PPFIBP1: variants seen among roughly 807,000 people sequenced by gnomAD.
PPFIBP1 encodes the protein liprin-beta-1.
A neutral mutation model predicts 137.8 loss-of-function variants in PPFIBP1; 112 were observed. That is an observed-to-expected ratio of 0.81 (90% CI 0.70 to 0.95). PPFIBP1 has a LOEUF of 0.95. Among genes scored for constraint, PPFIBP1 ranks in the 40% least tolerant of loss-of-function variants. The probability of loss-of-function intolerance (pLI) is 0.00; values close to 1 mark genes in which losing one functional copy is unlikely to be tolerated. For synonymous variants in PPFIBP1, 378 were observed against 417.3 expected (o/e 0.91, Z 1.15); for missense variants, 1,083 against 1,196.6 (o/e 0.91, Z 1.40).
chr12:27,621,615 A>G (rs2056350015), intron 2 of PPFIBP1, among the ~76,000 whole-genome samples: 1 of 152,192 alleles, frequency 6.6e-6, no homozygotes, highest in Non-Finnish European at 1.5e-5. Flanking sequence ...CACGTATGCT[A>G]TAAAGGAACA....
At chr12:27,592,568 G>A in intron 2 of PPFIBP1, 8 of 1,429,834 alleles carry the variant, frequency 5.6e-6, no homozygotes, top group Non-Finnish European at 7.9e-6. Flanking sequence ...GCTTTCACAG[G>A]ATGATACCTC....
intron 2 of PPFIBP1, among the ~76,000 whole-genome samples, chr12:27,595,244 G>T (rs554603338): frequency 1.3e-5 from 2 of 152,216 alleles, no homozygotes; most frequent in Non-Finnish European, 2.9e-5. Flanking sequence ...ACACGCGCGC[G>T]CGCACAAACA....
At chr12:27,612,258 T>C (rs1007414578) in intron 2 of PPFIBP1, among the ~76,000 whole-genome samples, 1 of 151,664 alleles carries the variant, frequency 6.6e-6, no homozygotes, top group Non-Finnish European at 1.5e-5. Flanking sequence ...TCAAGGTATC[T>C]GCCAAGCCTC....
chr12:27,672,148 C>T (rs2060240195), intron 14 of PPFIBP1, among the ~76,000 whole-genome samples: 1 of 151,848 alleles, frequency 6.6e-6, no homozygotes, highest in African/African-American at 2.4e-5. Flanking sequence ...GGATTGTAAA[C>T]TAAATAGTCA....
chr12:27,614,152 A>G (rs2055482750), intron 2 of PPFIBP1, among the ~76,000 whole-genome samples: 1 of 152,082 alleles, frequency 6.6e-6, no homozygotes, highest in Admixed American at 6.5e-5. Flanking sequence ...CTGAGACGGG[A>G]GAATCACTGG....
intron 4 of PPFIBP1, among the ~76,000 whole-genome samples, chr12:27,643,057 G>A (rs2058228061): frequency 6.6e-6 from 1 of 151,758 alleles, no homozygotes; most frequent in Admixed American, 6.6e-5. Flanking sequence ...GGTTAGCTCA[G>A]TTGGTTAGAG....
Position 27,667,159 on chromosome 12 carries a change from TTCCTA to T in PPFIBP1, c.992-6_992-2del. On this transcript the variant is annotated splice_acceptor_variant and splice_polypyrimidine_tract_variant and intron_variant, in intron 12 of 29. Transcript: ENST00000228425. LOFTEE classifies it high-confidence loss of function. ...TGTTGTCTTCTCTTTGTTTTATCTT[TTCCTA>T]GGCAAAGATGGAGAATATGAAGAGC... 2 of 1,552,856 alleles carry T rather than the reference TTCCTA, an allele frequency of 1.3e-6. No individual in the cohort carries two copies. The highest frequency in any genetic ancestry group is 2.7e-5 in the African/African-American group (2 of 72,796).
At chr12:27,563,316 G>T (rs1051728167) in intron 1 of PPFIBP1, among the ~76,000 whole-genome samples, 1 of 117,490 alleles carries the variant, frequency 8.5e-6, no homozygotes, top group African/African-American at 3.5e-5. Context: ...AATTAGCTGG[G>T]TGTGGTGGCC....
chr12:27,577,541 AT>A (rs2050675523), intron 1 of PPFIBP1, among the ~76,000 whole-genome samples: 3 of 152,242 alleles, frequency 2.0e-5, no homozygotes, highest in African/African-American at 7.2e-5. Context: ...GTTCTTAAAT[AT>A]TCTTTTAGTA....
At position 27,558,262 on chromosome 12, in the gene PPFIBP1, T is replaced by TG. The variant is rs369035332; in HGVS notation, c.-123-19890_-123-19889insG. On this transcript the variant is annotated intron_variant, in intron 1 of 29. Coordinates refer to ENST00000228425, the MANE Select transcript of PPFIBP1 (RefSeq NM_003622.4). Reference sequence around the variant, plus strand: ...TTCCCTAAAGACCTTCTGGGTTTTTTTTTTGTTTTGTTTTGTTTTGTTTTG... The same window carrying TG: ...TTCCCTAAAGACCTTCTGGGTTTTTTGTTTTGTTTTGTTTTGTTTTGTTTTG... Among the ~76,000 whole-genome samples the TG allele has an allele frequency of 5.4e-3, 803 of 148,276 alleles. 3 individuals are homozygous for TG. Among genetic ancestry groups the TG allele is most frequent in the Middle Eastern group, 0.027 (8 of 294 alleles).
At chr12:27,544,910 T>C (rs1033556449) in intron 1 of PPFIBP1, among the ~76,000 whole-genome samples, 2 of 152,188 alleles carry the variant, frequency 1.3e-5, no homozygotes, top group Non-Finnish European at 2.9e-5. Flanking sequence ...TTATAAGTAA[T>C]TTTACTATAA....
At chr12:27,610,227 T>C (rs1013462235) in intron 2 of PPFIBP1, among the ~76,000 whole-genome samples, 3 of 152,222 alleles carry the variant, frequency 2.0e-5, no homozygotes, top group Non-Finnish European at 4.4e-5. Context: ...GGAACTCCCT[T>C]GTAGCCCAGT....
intron 1 of PPFIBP1, among the ~76,000 whole-genome samples, chr12:27,559,758 C>T (rs1485129830): frequency 6.6e-6 from 1 of 152,152 alleles, no homozygotes; most frequent in African/African-American, 2.4e-5. Context: ...AAGCTCCTCT[C>T]CTTCCAGACA....
chr12:27,670,005 C>G (rs2060084489), intron 13 of PPFIBP1, among the ~76,000 whole-genome samples: 1 of 152,164 alleles, frequency 6.6e-6, no homozygotes, highest in South Asian at 2.1e-4. Context: ...CTGTTGCTGA[C>G]TGGTTGGCGT....
intron 1 of PPFIBP1, among the ~76,000 whole-genome samples, chr12:27,576,185 T>C (rs1286710024): frequency 6.6e-6 from 1 of 152,214 alleles, no homozygotes; most frequent in African/African-American, 2.4e-5. Flanking sequence ...CATATTGTTT[T>C]GAATTGGATT....
chr12:27,664,913 C>T lies in PPFIBP1; in HGVS notation c.991+467C>T, dbSNP rs183608438. Among the ~76,000 whole-genome samples the T allele has an allele frequency of 1.6e-4, 25 of 152,182 alleles. No individual in the cohort carries two copies. In the East Asian group the frequency reaches 4.5e-3, roughly 27 times the overall value. On this transcript the variant is annotated intron_variant, in intron 12 of 29. Transcript: ENST00000228425. ...GTTTTAAAAGTCAGCAGTGGTCAGG[C>T]GTGGTGGCCTACGGCTGTAATCCCA...
chr12:27,680,670 A>G (rs1157205135), intron 21 of PPFIBP1, among the ~76,000 whole-genome samples: 1 of 152,242 alleles, frequency 6.6e-6, no homozygotes, highest in Non-Finnish European at 1.5e-5. Flanking sequence ...TATCAGGACT[A>G]TATAATATTT....
chr12:27,555,771 GC>G (rs2048657095), intron 1 of PPFIBP1, among the ~76,000 whole-genome samples: 1 of 152,084 alleles, frequency 6.6e-6, no homozygotes, highest in African/African-American at 2.4e-5. Flanking sequence ...GGGGGAAAAA[GC>G]CCCCATTTTG....
At chr12:27,611,595 G>A (rs1224463730) in intron 2 of PPFIBP1, among the ~76,000 whole-genome samples, 1 of 152,134 alleles carries the variant, frequency 6.6e-6, no homozygotes. Context: ...TAGTTGAACC[G>A]CAACACAAAT....
Sources: allele counts gnomAD v4.1 joint callset (sites outside exome capture counted in the v4.1 genomes callset), GRCh38; gene constraint gnomAD v4.1.1; transcripts MANE v1.5; gene names NCBI Gene and HGNC (gene_info 2026-07-23, HGNC 2026-07-21).